The following IGSF11 variants were observed in gnomAD, a reference collection of about 807,000 sequenced individuals.
IGSF11 encodes the protein CXADR like 1.
A neutral mutation model predicts 41.0 loss-of-function variants in IGSF11; 22 were observed. The observed-to-expected ratio is 0.54, with a 90% CI of 0.38 to 0.77. The LOEUF (loss-of-function observed/expected upper bound fraction) is 0.77, where lower values mean the gene tolerates loss of function less well. IGSF11 is among the 30% of genes least tolerant of loss of function. IGSF11 has a pLI of 0.00. For missense variants in IGSF11, 444 were observed against 530.8 expected (o/e 0.84, Z 1.61); for synonymous variants, 219 against 201.3 (o/e 1.09, Z -0.74).
At chr3:119,055,254 C>T (rs1215061710) in intron 1 of IGSF11, among the ~76,000 whole-genome samples, 2 of 152,168 alleles carry the variant, frequency 1.3e-5, no homozygotes, top group African/African-American at 4.8e-5. Flanking sequence ...ACCAGAAACT[C>T]TAAAAATCAG....
chr3:118,989,384 G>A (rs1030221807), intron 1 of IGSF11, among the ~76,000 whole-genome samples: 28 of 150,472 alleles, frequency 1.9e-4, no homozygotes, highest in African/African-American at 5.9e-4. Context: ...ACTGAGTCTC[G>A]CTCTGTCACC....
intron 1 of IGSF11, among the ~76,000 whole-genome samples, chr3:118,973,147 C>T (rs1021289656): frequency 6.6e-6 from 1 of 152,214 alleles, no homozygotes; most frequent in Non-Finnish European, 1.5e-5. Context: ...ATGCCCCGCC[C>T]AGCAGGGAGC....
At chr3:119,076,268 A>G (rs1424105420) in intron 1 of IGSF11, among the ~76,000 whole-genome samples, 8 of 152,156 alleles carry the variant, frequency 5.3e-5, no homozygotes, top group Admixed American at 2.0e-4. Flanking sequence ...ATTCAAGATG[A>G]ATTAAAGACT....
At chr3:118,932,143 T>C (rs961011808) in intron 1 of IGSF11, among the ~76,000 whole-genome samples, 6 of 152,218 alleles carry the variant, frequency 3.9e-5, no homozygotes, top group Non-Finnish European at 7.3e-5. Flanking sequence ...AGCCAACTCA[T>C]GGGAAGTCAA....
intron 1 of IGSF11, among the ~76,000 whole-genome samples, chr3:118,933,126 C>T (rs1942986463): frequency 6.6e-6 from 1 of 152,148 alleles, no homozygotes; most frequent in Non-Finnish European, 1.5e-5. Context: ...AAGGTCAATC[C>T]TAAAATCTCA....
intron 1 of IGSF11, among the ~76,000 whole-genome samples, chr3:119,089,142 A>G (rs1165779335): frequency 6.6e-6 from 1 of 152,154 alleles, no homozygotes; most frequent in East Asian, 1.9e-4. Context: ...AAAACTTCAT[A>G]CCAATATCCC....
chr3:118,916,592 C>T (rs1306773263), intron 4 of IGSF11, among the ~76,000 whole-genome samples: 1 of 150,344 alleles, frequency 6.7e-6, no homozygotes, highest in Admixed American at 6.6e-5. Flanking sequence ...TACAGGAGCA[C>T]CCTGATTCAT....
chr3:118,989,461 TC>T (rs1165553140), intron 1 of IGSF11, among the ~76,000 whole-genome samples: 2 of 152,086 alleles, frequency 1.3e-5, no homozygotes, highest in African/African-American at 4.8e-5. Flanking sequence ...CACGCCATTC[TC>T]CTGCCTCAGG....
intron 1 of IGSF11, among the ~76,000 whole-genome samples, 172 bp downstream of exon 1, chr3:119,034,359 C>G (rs1940718799): frequency 6.6e-6 from 1 of 152,214 alleles, no homozygotes; most frequent in Non-Finnish European, 1.5e-5. Flanking sequence ...GCAGAAGCAG[C>G]CGCTGCAGGT....
chr3:119,108,179 A>G (rs1289758077), upstream of IGSF11, among the ~76,000 whole-genome samples: 21 of 151,022 alleles, frequency 1.4e-4, no homozygotes, highest in Admixed American at 3.3e-4. Flanking sequence ...TACCTTGGGC[A>G]GTATGGCCAT....
At chr3:118,973,736 G>A (rs1343542765) in intron 1 of IGSF11, among the ~76,000 whole-genome samples, 1 of 152,212 alleles carries the variant, frequency 6.6e-6, no homozygotes, top group African/African-American at 2.4e-5. Flanking sequence ...AAGACTTAGA[G>A]AACCAAGGAG....
At position 118,921,154 on chromosome 3, in the gene IGSF11, C is replaced by G. The variant is rs368002806; in HGVS notation, c.580+4947G>C. On this transcript the variant is annotated intron_variant, in intron 4 of 6. Transcript: ENST00000393775. ...CTGTCTTACCCTGATCTAATTTTTC[C>G]CCACAGAACTTTTCACCTTGTAACA... 8.5e-5 allele frequency among the ~76,000 whole-genome samples: 13 copies of G among 152,274 alleles called. No individual in the cohort carries two copies. The South Asian group carries it at 2.7e-3, about 32-fold the overall frequency.
At chr3:119,002,362 C>G (rs1936990731) in intron 1 of IGSF11, among the ~76,000 whole-genome samples, 1 of 151,056 alleles carries the variant, frequency 6.6e-6, no homozygotes, top group African/African-American at 2.5e-5. Context: ...TTTGTAGATT[C>G]TGGATATTAG....
chr3:119,119,563 A>C (rs1464265559), intron 1 of IGSF11, among the ~76,000 whole-genome samples: 1 of 152,218 alleles, frequency 6.6e-6, no homozygotes, highest in African/African-American at 2.4e-5. Context: ...ACTTGGGTCT[A>C]TTCCCATGAC....
chr3:119,117,276 C>T (rs2077270847), intron 1 of IGSF11, among the ~76,000 whole-genome samples: 1 of 151,788 alleles, frequency 6.6e-6, no homozygotes, highest in Admixed American at 6.6e-5. Flanking sequence ...CTGATAAAGA[C>T]ATACCCCAAA....
intron 1 of IGSF11, among the ~76,000 whole-genome samples, chr3:119,047,760 C>T (rs1941428155): frequency 6.6e-6 from 1 of 152,198 alleles, no homozygotes; most frequent in East Asian, 1.9e-4. Flanking sequence ...AAGCTCTCCT[C>T]AGCAAATGTA....
At position 119,061,222 on chromosome 3, in the gene IGSF11, G is replaced by A. The variant is rs368221414; in HGVS notation, c.49+43922C>T. Among the ~76,000 whole-genome samples the A allele has an allele frequency of 5.7e-4, 86 of 152,088 alleles. 1 individual carries two copies. Among genetic ancestry groups the A allele is most frequent in the African/African-American group, 1.9e-3 (78 of 41,480 alleles). ...CATGTATTCTTAAAGAAAGAGTGCC[G>A]CAGTATTAGAATCTTCTTATGCGCC... On this transcript the variant is annotated intron_variant, in intron 1 of 6. Transcript: ENST00000354673.
At chr3:118,912,090 ATACTT>A (rs1467664364) in intron 4 of IGSF11, among the ~76,000 whole-genome samples, 5 of 152,266 alleles carry the variant, frequency 3.3e-5, no homozygotes, top group Non-Finnish European at 7.3e-5. Flanking sequence ...TAAATACACT[ATACTT>A]TATATTTACC....
chr3:119,086,530 C>T (rs372424996), intron 1 of IGSF11, among the ~76,000 whole-genome samples: 13 of 151,972 alleles, frequency 8.6e-5, no homozygotes, highest in Admixed American at 2.0e-4. Flanking sequence ...AAGGTCAGGA[C>T]ACCTACAAGG....
Sources: allele counts gnomAD v4.1 joint callset (sites outside exome capture counted in the v4.1 genomes callset), GRCh38; gene constraint gnomAD v4.1.1; transcripts MANE v1.5; gene names NCBI Gene and HGNC (gene_info 2026-07-23, HGNC 2026-07-21).